ESRRG: variants seen among roughly 807,000 people sequenced by gnomAD.
The protein encoded by ESRRG is estrogen-related receptor gamma.
ESRRG carries 13 observed loss-of-function variants against 44.0 expected under a neutral mutation model. The observed-to-expected ratio is 0.30, with a 90% CI of 0.19 to 0.47. The LOEUF (loss-of-function observed/expected upper bound fraction) is 0.47. ESRRG is among the 20% of genes least tolerant of loss of function. The pLI is 1.00. For synonymous variants in ESRRG, 215 were observed against 214.6 expected, an observed-to-expected ratio of 1.00 and a Z score of -0.02; for missense variants, 395 against 580.6, an observed-to-expected ratio of 0.68 and a Z score of 3.29.
At chr1:216,625,041 T>A (rs547200651) in intron 3 of ESRRG, among the ~76,000 whole-genome samples, 3 of 152,090 alleles carry the variant, frequency 2.0e-5, no homozygotes, top group Non-Finnish European at 4.4e-5. Flanking sequence ...AATTCTTTCA[T>A]AACAGACTCT....
chr1:217,102,050 C>G (rs2092522671), intron 1 of ESRRG, among the ~76,000 whole-genome samples: 1 of 152,208 alleles, frequency 6.6e-6, no homozygotes, highest in Non-Finnish European at 1.5e-5. Flanking sequence ...AGGTGATCCC[C>G]CCGCTTCGGC....
intron 2 of ESRRG, among the ~76,000 whole-genome samples, chr1:216,900,366 C>G (rs1284464385): frequency 1.3e-5 from 2 of 152,180 alleles, no homozygotes; most frequent in Non-Finnish European, 2.9e-5. Context: ...AGGATGCTTA[C>G]TGCTTCCCCA....
chr1:216,545,513 CCT>C (rs2054224831), intron 5 of ESRRG, among the ~76,000 whole-genome samples: 1 of 151,932 alleles, frequency 6.6e-6, no homozygotes, highest in South Asian at 2.1e-4. Context: ...AAAAGACTTA[CCT>C]ATTAAAAATT....
chr1:216,805,738 A>T (rs969827058), intron 2 of ESRRG, among the ~76,000 whole-genome samples: 3 of 152,116 alleles, frequency 2.0e-5, no homozygotes, highest in South Asian at 2.1e-4. Context: ...TAATTGGAAA[A>T]AAAAAAAAAA....
intron 1 of ESRRG, among the ~76,000 whole-genome samples, chr1:217,106,261 C>T (rs576594106): frequency 9.9e-5 from 15 of 152,094 alleles, no homozygotes; most frequent in Admixed American, 1.3e-4. Flanking sequence ...GAGAAAAGAG[C>T]GGCATCTCTG....
upstream of ESRRG, among the ~76,000 whole-genome samples, chr1:217,090,060 T>C (rs564537331): frequency 1.2e-4 from 19 of 152,308 alleles, no homozygotes; most frequent in East Asian, 2.9e-3. Flanking sequence ...GGCACTGTCA[T>C]GATTTGATTG....
intron 3 of ESRRG, among the ~76,000 whole-genome samples, chr1:216,599,675 A>G (rs113304526): frequency 3.3e-3 from 500 of 152,254 alleles, no homozygotes; most frequent in African/African-American, 0.012. Flanking sequence ...TTATATTTCA[A>G]AAGCCAAAGA....
rs1445618027 is a variant in ESRRG, at chr1:216,779,242, T to A, written c.-13-101751A>T. On this transcript the variant is annotated intron_variant, in intron 2 of 7. Transcript: ENST00000359162. ...ATTTATATTTATAAATATAAATATA[T>A]ATTTATATTTATAAATATAAATATA... 7.5e-5 allele frequency among the ~76,000 whole-genome samples: 5 copies of A among 66,412 alleles called. No homozygotes were observed. The Admixed American group carries it at 1.0e-3, about 14-fold the overall frequency. 43.6% of individuals were successfully genotyped at this position (66,412 alleles called of 152,430 possible). A position where few individuals can be genotyped will look rare whatever the true frequency, so the allele number is the denominator to read the frequency against.
intron 3 of ESRRG, among the ~76,000 whole-genome samples, chr1:216,591,217 T>C (rs551256016): frequency 1.1e-4 from 16 of 152,246 alleles, no homozygotes; most frequent in Non-Finnish European, 2.4e-4. Context: ...GACTGAAGAC[T>C]GAGTTCATCA....
chr1:216,725,224 G>A (rs2087252766), upstream of ESRRG, among the ~76,000 whole-genome samples: 1 of 152,032 alleles, frequency 6.6e-6, no homozygotes. Flanking sequence ...TGTTCTAAAT[G>A]CATACAAAGT....
At chr1:216,747,398 A>G (rs2091523235) in intron 2 of ESRRG, among the ~76,000 whole-genome samples, 1 of 152,166 alleles carries the variant, frequency 6.6e-6, no homozygotes, top group Admixed American at 6.5e-5. Flanking sequence ...AGGTCCTCAC[A>G]ATATCATTCA....
chr1:216,614,089 G>A (rs983318439), intron 3 of ESRRG, among the ~76,000 whole-genome samples: 5 of 152,284 alleles, frequency 3.3e-5, no homozygotes, highest in Non-Finnish European at 5.9e-5. Context: ...AAAGAGAGAC[G>A]ATTTATGCTT....
intron 1 of ESRRG, among the ~76,000 whole-genome samples, chr1:216,697,396 TTTG>T (rs753496475): frequency 3.3e-5 from 5 of 152,258 alleles, no homozygotes; most frequent in Non-Finnish European, 5.9e-5. Context: ...GTGATTTGTG[TTTG>T]TTTAAGCACT....
intron 2 of ESRRG, among the ~76,000 whole-genome samples, chr1:216,786,271 C>G (rs1234081537): frequency 6.6e-6 from 1 of 151,982 alleles, no homozygotes; most frequent in Non-Finnish European, 1.5e-5. Flanking sequence ...GGCTTCATAA[C>G]AGGAGGAAAA....
chr1:216,791,539 T>C (rs887871655), intron 2 of ESRRG, among the ~76,000 whole-genome samples: 10 of 152,098 alleles, frequency 6.6e-5, no homozygotes, highest in African/African-American at 2.4e-4. Context: ...TCTGAAAAGA[T>C]TCCTTGGAAA....
intron 2 of ESRRG, among the ~76,000 whole-genome samples, chr1:216,845,866 T>G (rs1341582277): frequency 1.3e-5 from 2 of 151,912 alleles, no homozygotes; most frequent in Admixed American, 1.3e-4. Flanking sequence ...CCTGGAAGAG[T>G]GATACACCCT....
chr1:217,115,894 C>A (rs937031290), intron 1 of ESRRG, among the ~76,000 whole-genome samples: 5 of 152,098 alleles, frequency 3.3e-5, no homozygotes, highest in Non-Finnish European at 5.9e-5. Flanking sequence ...GACTACTCAG[C>A]CCCCAGAACA....
chr1:216,617,852 G>T (rs938703937), intron 3 of ESRRG, among the ~76,000 whole-genome samples: 4 of 152,082 alleles, frequency 2.6e-5, no homozygotes, highest in African/African-American at 9.7e-5. Context: ...CAGCTGAATG[G>T]CTAATGCTTT....
At chr1:217,023,506 T>A (rs2080696555) in intron 1 of ESRRG, among the ~76,000 whole-genome samples, 1 of 152,174 alleles carries the variant, frequency 6.6e-6, no homozygotes, top group Non-Finnish European at 1.5e-5. Flanking sequence ...GAAATCACCC[T>A]TTGGAGTGAG....
Sources: gnomAD v4.1 joint callset for allele counts (sites outside exome capture counted in the v4.1 genomes callset) on GRCh38, gnomAD v4.1.1 for gene constraint, MANE v1.5 for transcripts, NCBI Gene and HGNC (gene_info 2026-07-23, HGNC 2026-07-21) for gene names.